The following BIRC6 variants were observed in gnomAD, a reference collection of about 807,000 sequenced individuals.
BIRC6 encodes the protein dual E2 ubiquitin-conjugating enzyme/E3 ubiquitin-protein ligase BIRC6.
In BIRC6, 98 loss-of-function variants were observed where a neutral mutation model predicts 503.3. That is an observed-to-expected ratio of 0.19 (90% confidence interval 0.17 to 0.23). The LOEUF (loss-of-function observed/expected upper bound fraction) is 0.23, where lower values mean the gene tolerates loss of function less well. Among genes scored for constraint, BIRC6 ranks in the 10% least tolerant of loss-of-function variants. The pLI is 1.00. For synonymous variants in BIRC6, 2,240 were observed against 2,078.7 expected, an observed-to-expected ratio of 1.08 and a Z score of -2.11; for missense variants, 5,360 against 5,806.0, an observed-to-expected ratio of 0.92 and a Z score of 2.50.
chr2:32,429,300 G>A lies in BIRC6; in HGVS notation c.3022+5G>A. On this transcript the variant is annotated splice_donor_5th_base_variant and intron_variant, in intron 11 of 73. Coordinates refer to ENST00000421745, the MANE Select transcript of BIRC6 (RefSeq NM_016252.4). ...CTTCAAGTCCTGGCATTTCAGGTATGATATTAAATTTTTAAATGATTTTAA... is the reference window on the plus strand; with the variant it reads ...CTTCAAGTCCTGGCATTTCAGGTATAATATTAAATTTTTAAATGATTTTAA... The A allele has an allele frequency of 6.8e-7, 1 of 1,479,732 alleles. No homozygotes were observed. Among genetic ancestry groups the A allele is most frequent in the Non-Finnish European group, 8.9e-7 (1 of 1,118,592 alleles). 91.7% of individuals were successfully genotyped at this position (1,479,732 alleles called of 1,614,324 possible).
chr2:32,569,408 G>T (rs572652940), intron 65 of BIRC6, among the ~76,000 whole-genome samples: 3 of 151,656 alleles, frequency 2.0e-5, no homozygotes, highest in Admixed American at 6.6e-5. Flanking sequence ...TTGCTCCGTC[G>T]CCCAGGCTAG....
At chr2:32,449,766 ATTG>A (rs1190570607) in intron 22 of BIRC6, among the ~76,000 whole-genome samples, 5 of 152,200 alleles carry the variant, frequency 3.3e-5, no homozygotes, top group African/African-American at 4.8e-5. Flanking sequence ...TTAGGTTACT[ATTG>A]TTAACTGGAT....
At chr2:32,436,257 T>C in intron 15 of BIRC6, 73 bp downstream of exon 15, 1 of 1,222,366 alleles carries the variant, frequency 8.2e-7, no homozygotes, top group Non-Finnish European at 1.1e-6. Context: ...AAAACTGATC[T>C]CAAAAAAAAT....
At chr2:32,399,577 G>A (rs1296897276) in intron 6 of BIRC6, among the ~76,000 whole-genome samples, 1 of 152,044 alleles carries the variant, frequency 6.6e-6, no homozygotes, top group Non-Finnish European at 1.5e-5. Context: ...TGTTTTGGTA[G>A]CAGGATCCTG....
Position 32,477,420 on chromosome 2 carries a change from A to C in BIRC6, c.6905A>C (p.Asn2302Thr). Residue 2302 changes from asparagine (N) to threonine (T), a missense_variant, in exon 35 of 74, where the codon AAT becomes ACT. Physicochemically the swap from Asn to Thr is moderately conservative, Grantham distance 65 (BLOSUM62 0). Around this residue, in one of 16 missense-constraint regions of BIRC6, gnomAD observed 2,299 missense variants for 2,267.2 expected, o/e 1.01. Coordinates refer to ENST00000421745, the MANE Select transcript of BIRC6 (RefSeq NM_016252.4). ...LRRTAEWSRSNLDTEVTTAKE... is the reference protein window; with the variant it reads ...LRRTAEWSRSTLDTEVTTAKE... The stretch of plus-strand genomic sequence containing the variant: ...CGGACAGCAGAATGGTCCCGTTCTA[A>C]TTTAGACACAGAAGTTACAACAGCA... 1 of 1,613,994 alleles carries C rather than the reference A, an allele frequency of 6.2e-7. No homozygotes were observed. The highest frequency in any genetic ancestry group is 8.5e-7 in the Non-Finnish European group (1 of 1,179,878).
intron 10 of BIRC6, among the ~76,000 whole-genome samples, chr2:32,425,200 G>A (rs1395962031): frequency 6.6e-6 from 1 of 151,768 alleles, no homozygotes. Flanking sequence ...TATTCTGTGG[G>A]TTGTCTTTTT....
chr2:32,360,195 G>A (rs1018046614), intron 1 of BIRC6, among the ~76,000 whole-genome samples: 1 of 152,178 alleles, frequency 6.6e-6, no homozygotes, highest in Non-Finnish European at 1.5e-5. Flanking sequence ...GACGCCTGGG[G>A]TTCAGTTTAT....
intron 10 of BIRC6, among the ~76,000 whole-genome samples, chr2:32,421,584 G>A (rs1303575629): frequency 6.6e-6 from 1 of 151,882 alleles, no homozygotes; most frequent in African/African-American, 2.4e-5. Context: ...GTGATTTCTT[G>A]TTTGGCCCAG....
Position 32,482,532 on chromosome 2 carries a change from C to T in BIRC6, c.7646C>T (p.Ala2549Val). The change falls in exon 39 of 74, where the codon GCA (alanine) becomes GTA (valine). Residue 2549 changes from alanine to valine, a missense_variant. This residue lies in a region of BIRC6 where 2,299 missense variants were observed against 2,267.2 expected (regional missense o/e 1.01). Coordinates refer to ENST00000421745, the MANE Select transcript of BIRC6 (RefSeq NM_016252.4). The part of the protein sequence containing the change: ...GLGIPVAKPP[A>V]NTEKNGSQTV... ...GGAATTCCTGTAGCAAAGCCACCAGCAAACACGGAGAAGAACGGATCACAG... is the reference window on the plus strand; with the variant it reads ...GGAATTCCTGTAGCAAAGCCACCAGTAAACACGGAGAAGAACGGATCACAG... 1 of 1,613,970 alleles carries T rather than the reference C, an allele frequency of 6.2e-7. No homozygotes were observed. The highest frequency in any genetic ancestry group is 8.5e-7 in the Non-Finnish European group (1 of 1,179,860).
At chr2:32,560,931 G>T (rs1371149803) in intron 65 of BIRC6, among the ~76,000 whole-genome samples, 1 of 151,832 alleles carries the variant, frequency 6.6e-6, no homozygotes, top group Admixed American at 6.6e-5. Flanking sequence ...CGGGGGCGGT[G>T]GCTCACACCT....
In BIRC6 at chr2:32,467,825, CTA is replaced by C. The variant is rs2048719004; in HGVS notation, c.5572-76_5572-75del. ...ATGAATATATAATTAAAAAATATAA[CTA>C]TCTTTTTAAATACATTGCTCAGATT... On this transcript the variant is annotated intron_variant, in intron 27 of 73. Coordinates refer to ENST00000421745, the MANE Select transcript of BIRC6 (RefSeq NM_016252.4). 3 of 1,429,902 alleles carry C rather than the reference CTA, an allele frequency of 2.1e-6. No homozygotes were observed. In the Admixed American group the frequency reaches 7.0e-5, roughly 34 times the overall value. The allele number at this position is 1,429,902 out of a possible 1,614,324, so 88.6% of individuals were successfully genotyped here.
chr2:32,591,506 C>T (rs2061380000), intron 66 of BIRC6, among the ~76,000 whole-genome samples: 1 of 152,174 alleles, frequency 6.6e-6, no homozygotes, highest in Non-Finnish European at 1.5e-5. Flanking sequence ...GGGTAATCTA[C>T]ACACTGGGGT....
At chr2:32,545,904 T>A (rs1559023948) in intron 63 of BIRC6, 44 bp downstream of exon 63, 5 of 1,534,814 alleles carry the variant, frequency 3.3e-6, no homozygotes, top group Non-Finnish European at 4.5e-6. Flanking sequence ...AAAACTAGAT[T>A]TAATTAGGGA....
chr2:32,359,349 T>C (rs1009011462), intron 1 of BIRC6, among the ~76,000 whole-genome samples: 8 of 152,240 alleles, frequency 5.3e-5, no homozygotes, highest in Non-Finnish European at 1.0e-4. Flanking sequence ...TGTTTGAGAA[T>C]AATAATGTGT....
chr2:32,610,195 C>T (rs1559153809), intron 72 of BIRC6, among the ~76,000 whole-genome samples: 1 of 152,036 alleles, frequency 6.6e-6, no homozygotes, highest in Non-Finnish European at 1.5e-5. Flanking sequence ...AGTGATTTTC[C>T]CTTTATAGGT....
intron 45 of BIRC6, among the ~76,000 whole-genome samples, chr2:32,495,326 T>C (rs951312965): frequency 6.6e-6 from 1 of 152,184 alleles, no homozygotes; most frequent in African/African-American, 2.4e-5. Flanking sequence ...ACCACACATA[T>C]ACCCTGTACA....
chr2:32,501,917 G>A, intron 47 of BIRC6, 29 bp downstream of exon 47: 2 of 1,557,000 alleles, frequency 1.3e-6, no homozygotes, highest in East Asian at 4.5e-5. Flanking sequence ...CAGTTGCAGT[G>A]ATTCAAATAA....
At chr2:32,370,669 A>G (rs1412630376) in intron 1 of BIRC6, among the ~76,000 whole-genome samples, 1 of 152,184 alleles carries the variant, frequency 6.6e-6, no homozygotes, top group Non-Finnish European at 1.5e-5. Context: ...TGAGAACCTT[A>G]CATTAATTTT....
chr2:32,587,448 T>C (rs1251925714), intron 66 of BIRC6, among the ~76,000 whole-genome samples: 1 of 152,184 alleles, frequency 6.6e-6, no homozygotes, highest in African/African-American at 2.4e-5. Flanking sequence ...GAAAAAAATC[T>C]GCTTTTGGGC....
Sources: gnomAD v4.1 joint callset for allele counts (sites outside exome capture counted in the v4.1 genomes callset) on GRCh38, gnomAD v4.1.1 for gene constraint, gnomAD v4.1.1 regional missense constraint, MANE v1.5 for transcripts, NCBI Gene and HGNC (gene_info 2026-07-23, HGNC 2026-07-21) for gene names.